The following ABL2 variants were observed in gnomAD, a reference collection of about 807,000 sequenced individuals.
ABL2 encodes tyrosine-protein kinase ABL2.
A neutral mutation model predicts 107.7 loss-of-function variants in ABL2; 49 were observed. The observed-to-expected ratio is 0.45, with a 90% CI of 0.36 to 0.58. The LOEUF is 0.58. ABL2 is among the 20% of genes least tolerant of loss of function. ABL2 has a pLI of 0.00. For missense variants in ABL2, 1,245 were observed against 1,457.0 expected (o/e 0.85, Z 2.37); for synonymous variants, 549 against 548.6 (o/e 1.00, Z -0.01).
chr1:179,129,935 T>C (rs1467635183), intron 3 of ABL2, among the ~76,000 whole-genome samples: 2 of 151,908 alleles, frequency 1.3e-5, no homozygotes, highest in African/African-American at 4.8e-5. Context: ...TATACACCTA[T>C]TCTTTTGTTT....
At chr1:179,155,220 G>T (rs1336080938) in intron 1 of ABL2, among the ~76,000 whole-genome samples, 1 of 152,124 alleles carries the variant, frequency 6.6e-6, no homozygotes, top group Non-Finnish European at 1.5e-5. Context: ...AAACAGCCAG[G>T]CCCCAAAGTC....
intron 1 of ABL2, among the ~76,000 whole-genome samples, chr1:179,219,791 A>C (rs995482324): frequency 3.9e-5 from 6 of 152,354 alleles, no homozygotes; most frequent in African/African-American, 1.2e-4. Context: ...AAATGAAGTA[A>C]TAAATATAAA....
rs189729169 is a variant in ABL2, at chr1:179,211,995, A to C, written c.157+17246T>G. 2.5e-3 allele frequency among the ~76,000 whole-genome samples: 385 copies of C among 152,246 alleles called. 1 individual carries two copies. Among genetic ancestry groups the C allele is most frequent in the African/African-American group, 9.0e-3 (374 of 41,550 alleles). On this transcript the variant is annotated intron_variant, in intron 1 of 11. Coordinates refer to ENST00000502732, the MANE Select transcript of ABL2 (RefSeq NM_007314.4). Reference sequence around the variant, plus strand: ...TGTGAAGAAATACCAGAGACTGCATAATTTATAAAGGAAAGAGGTTTAACT... The same window carrying C: ...TGTGAAGAAATACCAGAGACTGCATCATTTATAAAGGAAAGAGGTTTAACT...
At position 179,152,205 on chromosome 1, in the gene ABL2, G is replaced by C. The variant is rs190712286; in HGVS notation, c.158-18831C>G. 9.6e-4 allele frequency among the ~76,000 whole-genome samples: 146 copies of C among 152,252 alleles called. 1 individual carries two copies. The highest frequency in any genetic ancestry group is 6.8e-3 in the Middle Eastern group (2 of 294). The stretch of plus-strand genomic sequence containing the variant: ...AGCCTGAAGTTTACATTATACCTCT[G>C]CTCTGGTCCTGAAGAATTCACCTTT... On this transcript the variant is annotated intron_variant, in intron 1 of 11. Transcript: ENST00000502732.
chr1:179,165,293 T>C (rs887845958), intron 1 of ABL2, among the ~76,000 whole-genome samples: 1 of 152,222 alleles, frequency 6.6e-6, no homozygotes, highest in East Asian at 1.9e-4. Context: ...TGTGTCCCCA[T>C]GTACCACCTC....
At chr1:179,215,768 G>C (rs1203563411) in intron 1 of ABL2, among the ~76,000 whole-genome samples, 7 of 151,488 alleles carry the variant, frequency 4.6e-5, no homozygotes, top group African/African-American at 1.7e-4. Context: ...AAACCTTCAG[G>C]TATCAACCTT....
At chr1:179,207,621 A>G (rs1662050500) in intron 1 of ABL2, among the ~76,000 whole-genome samples, 1 of 152,240 alleles carries the variant, frequency 6.6e-6, no homozygotes, top group South Asian at 2.1e-4. Flanking sequence ...CTTAATTCTC[A>G]TAACTCTATG....
chr1:179,109,525 T>C (rs1032696665), intron 11 of ABL2, 84 bp from the exon 12 acceptor site: 23 of 1,512,384 alleles, frequency 1.5e-5, no homozygotes, highest in Non-Finnish European at 2.0e-5. Context: ...ATTATGAGTT[T>C]TGTCAGCATT....
intron 1 of ABL2, among the ~76,000 whole-genome samples, chr1:179,136,916 C>A (rs1434178500): frequency 8.4e-3 from 922 of 109,404 alleles, no homozygotes; most frequent in South Asian, 0.012. Context: ...GACCCTGTCT[C>A]AAAAAAAAAA....
intron 6 of ABL2, among the ~76,000 whole-genome samples, chr1:179,119,244 T>TA (rs1654946299): frequency 6.6e-6 from 1 of 152,050 alleles, no homozygotes; most frequent in South Asian, 2.1e-4. Context: ...AGATTCCTTA[T>TA]AAAAAACCAA....
intron 1 of ABL2, among the ~76,000 whole-genome samples, chr1:179,135,143 G>A (rs1329219082): frequency 1.3e-4 from 20 of 152,244 alleles, no homozygotes; most frequent in South Asian, 8.3e-4. Context: ...GCCTCTGCCC[G>A]GCCGCCACCC....
Position 179,109,298 on chromosome 1 carries a change from TGAA to T in ABL2, c.1966_1968del (p.Phe656del), listed in dbSNP as rs1409165274. ...GGTGTAGGAGCATTTCTCTTCTTCATGAAGGAGCTGAAGAAGCCCCCCTTCCTA... is the reference window on the plus strand; with the variant it reads ...GGTGTAGGAGCATTTCTCTTCTTCATGGAGCTGAAGAAGCCCCCCTTCCTA... On this transcript the variant is annotated inframe_deletion, in exon 12 of 12. Coordinates refer to ENST00000502732, the MANE Select transcript of ABL2 (RefSeq NM_007314.4). 2.2e-5 allele frequency: 36 copies of T among 1,613,916 alleles called. No individual in the cohort carries two copies. Among genetic ancestry groups the T allele is most frequent in the Non-Finnish European group, 2.8e-5 (33 of 1,180,010 alleles).
chr1:179,173,358 ATTTTTTTTT>A (rs554479137), intron 1 of ABL2, among the ~76,000 whole-genome samples: 1 of 106,122 alleles, frequency 9.4e-6, no homozygotes, highest in Non-Finnish European at 1.8e-5. Context: ...AAAGGCTGTA[ATTTTTTTTT>A]TTTTTTTTTT....
In ABL2 at chr1:179,101,528, G is replaced by A. The variant is rs955799193; in HGVS notation, c.*6190C>T. 7 of 174,038 alleles carry A rather than the reference G, an allele frequency of 4.0e-5. No homozygotes were observed. Among genetic ancestry groups the A allele is most frequent in the Admixed American group, 1.9e-4 (3 of 15,732 alleles). The allele number at this position is 174,038 out of a possible 1,614,324, so 10.8% of individuals were successfully genotyped here. ...AGCTGGGATTACAGGCATGTACTAC[G>A]CCCGGCTAATTTTTATATTTTTAGT... On this transcript the variant is annotated 3_prime_UTR_variant, in exon 12 of 12. Transcript: ENST00000502732.
chr1:179,120,081 G>T, intron 6 of ABL2, 109 bp downstream of exon 6: 2 of 646,962 alleles, frequency 3.1e-6, no homozygotes, highest in Non-Finnish European at 5.2e-6. Flanking sequence ...AACAGAGCGA[G>T]ACCCTGTCTC....
intron 1 of ABL2, among the ~76,000 whole-genome samples, chr1:179,211,946 T>C (rs1437253737): frequency 1.3e-5 from 2 of 152,186 alleles, no homozygotes; most frequent in African/African-American, 2.4e-5. Flanking sequence ...TCTCTCCTTA[T>C]GTATTTGTCC....
chr1:179,136,223 T>C (rs915970098), intron 1 of ABL2, among the ~76,000 whole-genome samples: 6 of 151,736 alleles, frequency 4.0e-5, no homozygotes, highest in African/African-American at 1.2e-4. Flanking sequence ...CAACAGCTCA[T>C]TGAGAATGGG....
intron 11 of ABL2, among the ~76,000 whole-genome samples, chr1:179,109,923 G>A (rs1477165964): frequency 8.5e-6 from 1 of 117,254 alleles, no homozygotes; most frequent in African/African-American, 3.7e-5. Context: ...GTGAGACTCC[G>A]TCTCAAAAAA....
chr1:179,109,373 G>A lies in ABL2; in HGVS notation c.1894C>T (p.Pro632Ser). The A allele has an allele frequency of 4.3e-6, 7 of 1,614,092 alleles. No homozygotes were observed. The highest frequency in any genetic ancestry group is 5.1e-6 in the Non-Finnish European group (6 of 1,180,036). ...TTGGCATCTTCCAAGAGGCTGCTGG[G>A]TGACTTGTCTCTTTGCTTTCGAGGC... ...ALPRKQRDKS[P>S]SSLLEDAKET... Residue 632 changes from proline to serine, a missense_variant, in exon 12 of 12, where the codon CCC becomes TCC. This residue lies in a region of ABL2 where 761 missense variants were observed against 766.4 expected (regional missense o/e 0.99). Transcript: ENST00000502732.
Sources: gnomAD v4.1 joint callset for allele counts (sites outside exome capture counted in the v4.1 genomes callset) on GRCh38, gnomAD v4.1.1 for gene constraint, gnomAD v4.1.1 regional missense constraint, MANE v1.5 for transcripts, NCBI Gene and HGNC (gene_info 2026-07-23, HGNC 2026-07-21) for gene names.